Variants in TNFRSF19 observed in about 807,000 individuals in gnomAD.
TNFRSF19 encodes the protein TNF receptor superfamily member 19, also known as tumor necrosis factor receptor superfamily member 19.
Under a neutral mutation model 46.4 loss-of-function variants are expected in TNFRSF19, and 27 were observed. That is an observed-to-expected ratio of 0.58 (90% confidence interval 0.43 to 0.80). TNFRSF19 has a LOEUF of 0.80. TNFRSF19 is among the 30% of genes least tolerant of loss of function. The probability of loss-of-function intolerance (pLI) is 0.00; values close to 1 mark genes in which losing one functional copy is unlikely to be tolerated. For missense variants in TNFRSF19, 511 were observed against 530.8 expected, an observed-to-expected ratio of 0.96 and a Z score of 0.37; for synonymous variants, 204 against 205.0, an observed-to-expected ratio of 1.00 and a Z score of 0.04.
At chr13:23,594,425 C>T (rs1192119876) in intron 3 of TNFRSF19, 3 of 316,454 alleles carry the variant, frequency 9.5e-6, no homozygotes, top group East Asian at 9.7e-5. Flanking sequence ...AGGGGAGGGG[C>T]GTCTGCCATT....
chr13:23,627,877 A>C (rs1018819526), intron 5 of TNFRSF19, among the ~76,000 whole-genome samples: 2 of 152,208 alleles, frequency 1.3e-5, no homozygotes, highest in Non-Finnish European at 1.5e-5. Context: ...CTTTACCAAA[A>C]TGCATTATTT....
chr13:23,669,646 T>C (rs1167399984), intron 9 of TNFRSF19: 11 of 985,126 alleles, frequency 1.1e-5, no homozygotes, highest in Non-Finnish European at 1.1e-5. Flanking sequence ...GACCAGGTCA[T>C]AAGACCCTCT....
intron 3 of TNFRSF19, among the ~76,000 whole-genome samples, chr13:23,595,484 T>G (rs1480848475): frequency 6.6e-6 from 1 of 151,986 alleles, no homozygotes; most frequent in African/African-American, 2.4e-5. Context: ...AATAGCTGAA[T>G]CAATCAGGCA....
intron 9 of TNFRSF19, among the ~76,000 whole-genome samples, chr13:23,672,344 C>G (rs1189378088): frequency 6.6e-6 from 1 of 152,146 alleles, no homozygotes; most frequent in African/African-American, 2.4e-5. Flanking sequence ...GCCTGTTTAC[C>G]TACAGGAAAA....
At chr13:23,651,883 CAT>C (rs1883666547) in intron 5 of TNFRSF19, among the ~76,000 whole-genome samples, 1 of 3,950 alleles carries the variant, frequency 2.5e-4, no homozygotes, top group African/African-American at 9.1e-4. Flanking sequence ...TTGGAAAGAA[CAT>C]AACATGCTAA....
rs1226042943 is a variant in TNFRSF19, at chr13:23,581,127, C to CTTT, written c.-34-9021_-34-9019dup. Among the ~76,000 whole-genome samples the CTTT allele has an allele frequency of 7.7e-3, 953 of 123,246 alleles. 19 individuals are homozygous for CTTT. The highest frequency in any genetic ancestry group is 0.027 in the African/African-American group (908 of 34,014). 80.9% of individuals were successfully genotyped at this position (123,246 alleles called of 152,430 possible). Reference sequence around the variant, plus strand: ...ATGTCGATGTGCCTTTTCTTTTTTTCTTTTCTTTTTTTTTTTTTGAAACGG... The same window carrying CTTT: ...ATGTCGATGTGCCTTTTCTTTTTTTCTTTTTTTCTTTTTTTTTTTTTGAAACGG... On this transcript the variant is annotated intron_variant, in intron 1 of 9. Coordinates refer to ENST00000248484, the MANE Select transcript of TNFRSF19 (RefSeq NM_148957.4).
At chr13:23,673,332 A>G in intron 9 of TNFRSF19, 40 bp from the exon 10 acceptor site, 2 of 1,581,834 alleles carry the variant, frequency 1.3e-6, no homozygotes, top group Non-Finnish European at 1.7e-6. Flanking sequence ...TTAACTTGTA[A>G]GACATTATTT....
At chr13:23,651,389 A>G (rs1343010505) in intron 5 of TNFRSF19, among the ~76,000 whole-genome samples, 5 of 152,238 alleles carry the variant, frequency 3.3e-5, no homozygotes, top group East Asian at 1.9e-4. Flanking sequence ...ATAGTCACCA[A>G]TAAGTAAAAA....
chr13:23,582,083 A>C (rs1359395379), intron 1 of TNFRSF19, among the ~76,000 whole-genome samples: 1 of 152,094 alleles, frequency 6.6e-6, no homozygotes, highest in Non-Finnish European at 1.5e-5. Flanking sequence ...GCTGATTATT[A>C]AATATTCACA....
chr13:23,618,731 T>G (rs1464866299), intron 4 of TNFRSF19, among the ~76,000 whole-genome samples: 1 of 152,206 alleles, frequency 6.6e-6, no homozygotes, highest in Non-Finnish European at 1.5e-5. Flanking sequence ...AGCAGCAGTT[T>G]ACGTAATAGC....
chr13:23,593,333 T>G lies in TNFRSF19; in HGVS notation c.70-12T>G. ...ACTTTAAGATAACATTTTGTTAAATTTTTTTTTTCAGTCATGTAAAGTGAC... is the reference window on the plus strand; with the variant it reads ...ACTTTAAGATAACATTTTGTTAAATGTTTTTTTTCAGTCATGTAAAGTGAC... On this transcript the variant is annotated splice_polypyrimidine_tract_variant and intron_variant, in intron 2 of 9. Transcript: ENST00000248484. The G allele has an allele frequency of 6.6e-7, 1 of 1,517,290 alleles. No homozygotes were observed. The highest frequency in any genetic ancestry group is 1.3e-5 in the South Asian group (1 of 78,404). The allele number at this position is 1,517,290 out of a possible 1,614,324, so 94.0% of individuals were successfully genotyped here. A position where few individuals can be genotyped will look rare whatever the true frequency, so the allele number is the denominator to read the frequency against.
intron 7 of TNFRSF19, among the ~76,000 whole-genome samples, chr13:23,666,415 C>T (rs1249115690): frequency 6.6e-6 from 1 of 152,112 alleles, no homozygotes; most frequent in Non-Finnish European, 1.5e-5. Flanking sequence ...CTTTCGTTCT[C>T]CATTTATGTA....
intron 1 of TNFRSF19, among the ~76,000 whole-genome samples, chr13:23,572,519 A>G (rs1206434337): frequency 6.6e-6 from 1 of 152,200 alleles, no homozygotes; most frequent in Non-Finnish European, 1.5e-5. Flanking sequence ...ATGACTGTTT[A>G]TCCTGCTACT....
rs112056395 is a variant in TNFRSF19, at chr13:23,668,742, C to A, written c.890C>A (p.Thr297Lys). The A allele has an allele frequency of 6.2e-7, 1 of 1,614,232 alleles. No homozygotes were observed. Among genetic ancestry groups the A allele is most frequent in the East Asian group, 2.2e-5 (1 of 44,892 alleles). The change falls in exon 9 of 10, where the codon ACG becomes AAG. Residue 297 changes from threonine to lysine, a missense_variant. Thr to Lys is a moderately conservative substitution (Grantham distance 78). Around this residue, in one of 3 missense-constraint regions of TNFRSF19, gnomAD observed 376 missense variants for 372.7 expected, o/e 1.01. Transcript: ENST00000248484. ...GTGCCGACTTTCTTCGGATCCCTCA[C>A]GCAGTCCATCTGTGGCGAGTTTTCA... ...EMVPTFFGSLTQSICGEFSDA... is the reference protein window; with the variant it reads ...EMVPTFFGSLKQSICGEFSDA...
At chr13:23,582,369 C>A (rs1389081557) in intron 1 of TNFRSF19, among the ~76,000 whole-genome samples, 2 of 151,918 alleles carry the variant, frequency 1.3e-5, no homozygotes. Flanking sequence ...CCACTGCACT[C>A]CAGCCTGGGC....
Position 23,628,496 on chromosome 13 carries a change from T to A in TNFRSF19, c.445+1704T>A, listed in dbSNP as rs1882151670. On this transcript the variant is annotated intron_variant, in intron 5 of 9. Coordinates refer to ENST00000248484, the MANE Select transcript of TNFRSF19 (RefSeq NM_148957.4). ...AATCATGCACTGCAGCCCAGACTGC[T>A]GCACAGAGATTCCGTGAAGTCAGTA... is the stretch of plus-strand genomic sequence containing the variant. 2.0e-5 allele frequency among the ~76,000 whole-genome samples: 3 copies of A among 152,312 alleles called. No individual in the cohort carries two copies. The South Asian group carries it at 6.2e-4, about 32-fold the overall frequency.
At chr13:23,582,873 A>G (rs1878554527) in intron 1 of TNFRSF19, among the ~76,000 whole-genome samples, 1 of 152,218 alleles carries the variant, frequency 6.6e-6, no homozygotes, top group Non-Finnish European at 1.5e-5. Context: ...TTTGAGTTTC[A>G]TCCACATTAT....
rs887892611 is a variant in TNFRSF19, at chr13:23,674,267, C to CT, written c.*891dup. On this transcript the variant is annotated 3_prime_UTR_variant, in exon 10 of 10. Coordinates refer to ENST00000248484, the MANE Select transcript of TNFRSF19 (RefSeq NM_148957.4). ...AAGGGTATTTATAAACATAAATGAC[C>CT]TTTTACTTGCATTGTATCTTATACT... The CT allele has an allele frequency of 1.3e-5, 2 of 152,150 alleles. No homozygotes were observed. Among genetic ancestry groups the CT allele is most frequent in the African/African-American group, 4.8e-5 (2 of 41,440 alleles). The allele number at this position is 152,150 out of a possible 1,614,324, so 9.4% of individuals were successfully genotyped here.
rs766006684 is a variant in TNFRSF19, at chr13:23,667,984, G to A, written c.741G>A (p.Pro247=). The change falls in exon 8 of 10, where the codon CCG becomes CCA. Residue 247 remains proline, a synonymous_variant. Coordinates refer to ENST00000248484, the MANE Select transcript of TNFRSF19 (RefSeq NM_148957.4). Reference sequence around the variant, plus strand: ...CACCTGTGCTGTCTTCCCTAGGGCCGGTGCGCTTGCTCCCATCCATGTGCT... The same window carrying A: ...CACCTGTGCTGTCTTCCCTAGGGCCAGTGCGCTTGCTCCCATCCATGTGCT... ...CRRDSVQTCG[P]VRLLPSMCCE... is the part of the protein sequence containing the mutation. The A allele has an allele frequency of 8.1e-6, 13 of 1,603,698 alleles. No homozygotes were observed. The highest frequency in any genetic ancestry group is 2.2e-5 in the East Asian group (1 of 44,602).
Sources: allele counts gnomAD v4.1 joint callset (sites outside exome capture counted in the v4.1 genomes callset), GRCh38; gene constraint gnomAD v4.1.1; regional missense constraint gnomAD v4.1.1; transcripts MANE v1.5; gene names NCBI Gene and HGNC (gene_info 2026-07-23, HGNC 2026-07-21).